The following ADCK5 variants were observed in gnomAD, a reference collection of about 807,000 sequenced individuals.
ADCK5 encodes aarF domain containing kinase 5.
ADCK5 carries 43 observed loss-of-function variants against 64.9 expected under a neutral mutation model. That is an observed-to-expected ratio of 0.66 (90% confidence interval 0.52 to 0.85). ADCK5 has a LOEUF of 0.85. Among genes scored for constraint, ADCK5 ranks in the 40% least tolerant of loss-of-function variants. The pLI is 0.00. For synonymous variants in ADCK5, 434 were observed against 342.8 expected (o/e 1.27, Z -2.94); for missense variants, 760 against 810.5 (o/e 0.94, Z 0.76).
rs62530407 is a variant in ADCK5, at chr8:144,390,870, C to T, written c.357C>T (p.Tyr119=). The change falls in exon 5 of 15, where the codon TAC becomes TAT. Residue 119 remains tyrosine (Y), a synonymous_variant. Coordinates refer to ENST00000308860, the MANE Select transcript of ADCK5 (RefSeq NM_174922.5). Reference sequence around the variant, plus strand: ...CCTGTGGTCAGAACAGCCCAGGCTACTTGGAGGTGATGTCTGCGTGTCACC... The same window carrying T: ...CCTGTGGTCAGAACAGCCCAGGCTATTTGGAGGTGATGTCTGCGTGTCACC... ...LRGVEENSPG[Y]LEVMSACHQR... 7.4e-6 allele frequency: 12 copies of T among 1,612,882 alleles called. No individual in the cohort carries two copies. Among genetic ancestry groups the T allele is most frequent in the Non-Finnish European group, 1.0e-5 (12 of 1,179,974 alleles).
rs782007757 is a variant in ADCK5 at position 144,392,772 on chromosome 8, G to C, written c.1521-4G>C. The C allele has an allele frequency of 1.9e-6, 3 of 1,593,442 alleles. No individual in the cohort carries two copies. The highest frequency in any genetic ancestry group is 2.6e-6 in the Non-Finnish European group (3 of 1,173,856). On this transcript the variant is annotated splice_region_variant and splice_polypyrimidine_tract_variant and intron_variant, in intron 13 of 14. Transcript: ENST00000308860. The stretch of plus-strand genomic sequence containing the variant: ...TGACGCGGCGCTAACGCGGGTGTGT[G>C]CAGGGCTGTCCGGGGCTGGAGCCGC...
chr8:144,379,552 C>T (rs782728021), intron 2 of ADCK5, 62 bp downstream of exon 2: 17 of 1,368,954 alleles, frequency 1.2e-5, no homozygotes, highest in Non-Finnish European at 1.7e-5. Flanking sequence ...CGTCTGTGTG[C>T]ATGCAGAGGT....
chr8:144,373,973 C>G (rs1819257334), upstream of ADCK5: 3 of 1,132,524 alleles, frequency 2.6e-6, no homozygotes, highest in Non-Finnish European at 2.2e-6. Context: ...CAGCCTCGCC[C>G]ACCGCCCACG....
At chr8:144,383,309 G>A in intron 3 of ADCK5, 79 bp downstream of exon 3, 1 of 1,450,368 alleles carries the variant, frequency 6.9e-7, no homozygotes, top group Non-Finnish European at 9.1e-7. Flanking sequence ...TGCTCCAGAT[G>A]CCTTCACAGA....
In ADCK5 at chr8:144,382,778, AT is replaced by A. The variant is rs1194614507; in HGVS notation, c.117-301del. ...GGTCCGTGAGGAGCACAGACCTGCC[AT>A]TGAGCTGCTTCCTTTACCTGAGGAG... On this transcript the variant is annotated intron_variant, in intron 2 of 14. Coordinates refer to ENST00000308860, the MANE Select transcript of ADCK5 (RefSeq NM_174922.5). 2.0e-5 allele frequency among the ~76,000 whole-genome samples: 3 copies of A among 152,340 alleles called. No individual in the cohort carries two copies. The East Asian group carries it at 5.8e-4, about 29-fold the overall frequency.
intron 3 of ADCK5, among the ~76,000 whole-genome samples, chr8:144,390,123 G>C (rs1370040204): frequency 6.6e-6 from 1 of 151,896 alleles, no homozygotes; most frequent in Non-Finnish European, 1.5e-5. Context: ...GAGCCACTGT[G>C]CCCAGCTCTG....
chr8:144,390,489 A>G (rs886452178), intron 3 of ADCK5, among the ~76,000 whole-genome samples, 182 bp from the exon 4 acceptor site: 3 of 152,206 alleles, frequency 2.0e-5, no homozygotes, highest in Middle Eastern at 3.4e-3. Flanking sequence ...CCACGAGCTC[A>G]GCAGCACCCC....
chr8:144,379,424 G>C lies in ADCK5; in HGVS notation c.50G>C (p.Ser17Thr), dbSNP rs145681525. The C allele has an allele frequency of 6.2e-7, 1 of 1,610,586 alleles. No homozygotes were observed. The highest frequency in any genetic ancestry group is 1.7e-5 in the Admixed American group (1 of 59,732). ...CATTTCCACTCTGCTCTGCTGCACA[G>C]CAGGCAGAAGCCCTGGCCGTCCCCT... ...LCHFHSALLH[S>T]RQKPWPSPAV... Residue 17 changes from serine to threonine, a missense_variant, in exon 2 of 15, where the codon AGC (serine) becomes ACC (threonine). This residue lies in a region of ADCK5 where 427 missense variants were observed against 518.4 expected (regional missense o/e 0.82). Transcript: ENST00000308860.
intron 1 of ADCK5, 143 bp downstream of exon 1, chr8:144,374,250 C>T (rs1819274030): frequency 1.2e-6 from 1 of 823,792 alleles, no homozygotes; most frequent in Non-Finnish European, 1.6e-6. Context: ...CGCTCTGTCG[C>T]CCTGGAGCGC....
intron 3 of ADCK5, chr8:144,389,233 C>T: frequency 2.2e-6 from 1 of 456,260 alleles, no homozygotes; most frequent in Non-Finnish European, 4.4e-6. Flanking sequence ...TCCCCCACTT[C>T]CTGCCTTAAC....
intron 3 of ADCK5, among the ~76,000 whole-genome samples, chr8:144,389,573 C>T (rs753128079): frequency 4.6e-5 from 7 of 152,126 alleles, no homozygotes; most frequent in Admixed American, 1.3e-4. Context: ...CTCGCTCTGT[C>T]GCCAGGCTGG....
Position 144,375,759 on chromosome 8 carries a change from G to T in ADCK5, c.12+1652G>T, listed in dbSNP as rs1471548977. Reference sequence around the variant, plus strand: ...GACTGCACACACTCACCATAAGAAAGCATGAGAGGTTCTGACAGGGGGCAC... The same window carrying T: ...GACTGCACACACTCACCATAAGAAATCATGAGAGGTTCTGACAGGGGGCAC... On this transcript the variant is annotated intron_variant, in intron 1 of 14. Transcript: ENST00000308860. The T allele has an allele frequency of 5.4e-6, 4 of 745,328 alleles. No individual in the cohort carries two copies. In the African/African-American group the frequency reaches 7.7e-5, roughly 14 times the overall value. The allele number at this position is 745,328 out of a possible 1,614,324, so 46.2% of individuals were successfully genotyped here.
chr8:144,377,039 G>C (rs1819394182), intron 1 of ADCK5, among the ~76,000 whole-genome samples: 1 of 152,260 alleles, frequency 6.6e-6, no homozygotes, highest in African/African-American at 2.4e-5. Context: ...AAAACCAGCT[G>C]GCAAGTCAGT....
upstream of ADCK5, chr8:144,373,875 C>T: frequency 2.5e-6 from 1 of 406,924 alleles, no homozygotes; most frequent in Non-Finnish European, 4.1e-6. Flanking sequence ...TCAGGAGGCG[C>T]GGTCCGGGCG....
intron 1 of ADCK5, among the ~76,000 whole-genome samples, chr8:144,379,038 AT>A (rs782193217): frequency 1.3e-5 from 2 of 149,950 alleles, no homozygotes; most frequent in African/African-American, 2.5e-5. Flanking sequence ...GGTTCAAGCG[AT>A]TCTCCTGCCT....
chr8:144,388,899 G>T (rs868910576), intron 3 of ADCK5, among the ~76,000 whole-genome samples: 1 of 152,246 alleles, frequency 6.6e-6, no homozygotes, highest in Non-Finnish European at 1.5e-5. Flanking sequence ...CCACCTGAGC[G>T]CCAGAGCTGC....
chr8:144,390,791 T>C, intron 4 of ADCK5, 45 bp downstream of exon 4: 1 of 1,608,642 alleles, frequency 6.2e-7, no homozygotes, highest in South Asian at 1.1e-5. Flanking sequence ...CATGAGGTGG[T>C]GGGCTGGGTG....
upstream of ADCK5, chr8:144,373,786 T>A: frequency 5.8e-6 from 2 of 342,058 alleles, no homozygotes; most frequent in Non-Finnish European, 1.1e-5. Context: ...ATCCACGTGC[T>A]TCTCACAGCG....
chr8:144,391,677 T>C lies in ADCK5; in HGVS notation c.896T>C (p.Val299Ala). The C allele has an allele frequency of 6.5e-7, 1 of 1,541,990 alleles. No homozygotes were observed. ...ARELAHFPYVVVPRVHWDKSS... is the reference protein window; with the variant it reads ...ARELAHFPYVAVPRVHWDKSS... ...GAGCTGGCGCACTTCCCCTACGTCG[T>C]GGTGCCCCGCGTGCACTGGGACAAG... Residue 299 changes from valine (V) to alanine (A), a missense_variant, in exon 8 of 15, where the codon GTG (valine) becomes GCG (alanine). This residue lies in a region of ADCK5 where 427 missense variants were observed against 518.4 expected (regional missense o/e 0.82). Coordinates refer to ENST00000308860, the MANE Select transcript of ADCK5 (RefSeq NM_174922.5).
Sources: allele counts gnomAD v4.1 joint callset (sites outside exome capture counted in the v4.1 genomes callset), GRCh38; gene constraint gnomAD v4.1.1; regional missense constraint gnomAD v4.1.1; transcripts MANE v1.5; gene names NCBI Gene and HGNC (gene_info 2026-07-23, HGNC 2026-07-21).